Variants in CRTAC1 observed in about 807,000 individuals in gnomAD.
CRTAC1 encodes cartilage acidic protein 1.
A neutral mutation model predicts 67.8 loss-of-function variants in CRTAC1; 37 were observed. That is an observed-to-expected ratio of 0.55 (90% CI 0.42 to 0.72). The LOEUF is 0.72. CRTAC1 is among the 30% of genes least tolerant of loss of function. The pLI, the probability that CRTAC1 is intolerant of heterozygous loss-of-function variation, is 0.00. For synonymous variants in CRTAC1, 348 were observed against 371.0 expected (o/e 0.94, Z 0.71); for missense variants, 780 against 931.6 (o/e 0.84, Z 2.12).
chr10:97,962,532 G>C (rs1174589166), intron 2 of CRTAC1, among the ~76,000 whole-genome samples: 1 of 152,136 alleles, frequency 6.6e-6, no homozygotes, highest in Admixed American at 6.5e-5. Context: ...AGTTGTGGAG[G>C]GCTTTAAGTG....
chr10:97,882,540 T>C (rs2050229288), intron 13 of CRTAC1, among the ~76,000 whole-genome samples: 1 of 152,210 alleles, frequency 6.6e-6, no homozygotes, highest in Non-Finnish European at 1.5e-5. Flanking sequence ...TCGGTACTCA[T>C]GGCAGGAAAA....
chr10:97,902,734 C>T (rs1235730531), intron 7 of CRTAC1, among the ~76,000 whole-genome samples: 3 of 152,166 alleles, frequency 2.0e-5, no homozygotes, highest in Non-Finnish European at 4.4e-5. Flanking sequence ...ATCCTCTACC[C>T]GACTTGGGCC....
At chr10:98,013,411 G>A (rs897230802) in intron 1 of CRTAC1, among the ~76,000 whole-genome samples, 10 of 152,184 alleles carry the variant, frequency 6.6e-5, no homozygotes, top group African/African-American at 2.4e-4. Flanking sequence ...TAAGAGTCAA[G>A]AATTATGATC....
intron 2 of CRTAC1, among the ~76,000 whole-genome samples, chr10:98,001,557 A>C (rs1325614961): frequency 2.0e-5 from 3 of 152,144 alleles, no homozygotes; most frequent in Admixed American, 2.0e-4. Context: ...TGTAAAAAAA[A>C]AAAATGTGAC....
At chr10:97,976,112 G>A (rs979910246) in intron 2 of CRTAC1, among the ~76,000 whole-genome samples, 4 of 152,146 alleles carry the variant, frequency 2.6e-5, no homozygotes, top group Non-Finnish European at 5.9e-5. Flanking sequence ...GCAGGCCGCC[G>A]CAGCGTACTC....
chr10:98,021,521 C>T (rs1165830679), intron 1 of CRTAC1, among the ~76,000 whole-genome samples: 1 of 152,120 alleles, frequency 6.6e-6, no homozygotes, highest in Non-Finnish European at 1.5e-5. Flanking sequence ...TTAATAGGTA[C>T]TATTAACTGC....
chr10:97,981,830 A>C (rs2051896860), intron 2 of CRTAC1, among the ~76,000 whole-genome samples: 1 of 152,236 alleles, frequency 6.6e-6, no homozygotes, highest in South Asian at 2.1e-4. Flanking sequence ...TTTGTTAATA[A>C]AAACAAGAGT....
At chr10:98,026,962 G>A (rs1489902947) in intron 1 of CRTAC1, among the ~76,000 whole-genome samples, 1 of 152,080 alleles carries the variant, frequency 6.6e-6, no homozygotes, top group African/African-American at 2.4e-5. Context: ...GGCAGATCAC[G>A]AGGTCAGGAG....
intron 2 of CRTAC1, among the ~76,000 whole-genome samples, chr10:97,965,273 C>A (rs2051596974): frequency 6.6e-6 from 1 of 152,188 alleles, no homozygotes; most frequent in Admixed American, 6.5e-5. Context: ...GCCAACTCAG[C>A]CCAAGTGCCT....
intron 6 of CRTAC1, among the ~76,000 whole-genome samples, chr10:97,906,120 C>T (rs2050608150): frequency 6.6e-6 from 1 of 152,044 alleles, no homozygotes; most frequent in African/African-American, 2.4e-5. Flanking sequence ...GGGTGGGGCC[C>T]CCTGAGAACC....
rs149792442 is a variant in CRTAC1 at position 97,916,856 on chromosome 10, C to T, written c.715+644G>A. Among the ~76,000 whole-genome samples, 335 of 152,234 alleles carry T rather than the reference C, an allele frequency of 2.2e-3. 4 individuals carry two copies. Among genetic ancestry groups the T allele is most frequent in the African/African-American group, 7.6e-3 (314 of 41,534 alleles). On this transcript the variant is annotated intron_variant, in intron 5 of 14. Transcript: ENST00000370597. ...AGATTATCAGAGTTTAGTCAGCAGCCGTGCTGGAATTAGAAAAACAGCCTT... is the reference window on the plus strand; with the variant it reads ...AGATTATCAGAGTTTAGTCAGCAGCTGTGCTGGAATTAGAAAAACAGCCTT...
chr10:97,917,158 A>T (rs1238660241), intron 5 of CRTAC1, among the ~76,000 whole-genome samples: 1 of 152,232 alleles, frequency 6.6e-6, no homozygotes, highest in African/African-American at 2.4e-5. Flanking sequence ...TCTCCTACAG[A>T]ACCTGCTCAC....
chr10:97,923,174 C>T (rs1032720968), intron 4 of CRTAC1, 90 bp downstream of exon 4: 22 of 1,502,984 alleles, frequency 1.5e-5, no homozygotes, highest in Admixed American at 3.5e-5. Context: ...CCGCGGGAGA[C>T]GCCACTCTGT....
intron 5 of CRTAC1, among the ~76,000 whole-genome samples, chr10:97,911,161 G>A (rs559574911): frequency 1.3e-5 from 2 of 152,140 alleles, no homozygotes; most frequent in Non-Finnish European, 2.9e-5. Flanking sequence ...AGCCCTGCCC[G>A]GGCCCCTGGA....
At chr10:98,002,610 A>G (rs1842710856) in intron 2 of CRTAC1, among the ~76,000 whole-genome samples, 1 of 151,936 alleles carries the variant, frequency 6.6e-6, no homozygotes, top group South Asian at 2.1e-4. Flanking sequence ...TGTCCCACCA[A>G]AGACAGTGAG....
intron 11 of CRTAC1, among the ~76,000 whole-genome samples, chr10:97,889,482 T>C (rs1590184667): frequency 6.7e-6 from 1 of 150,340 alleles, no homozygotes; most frequent in Admixed American, 6.6e-5. Context: ...CAAGGCAGGG[T>C]CCACTGAGAA....
intron 2 of CRTAC1, among the ~76,000 whole-genome samples, chr10:98,005,096 A>ATTTTT (rs1247445698): frequency 1.0e-3 from 34 of 33,004 alleles, no homozygotes; most frequent in African/African-American, 3.4e-3. Context: ...ATATATATAT[A>ATTTTT]TATATTTTTT....
intron 5 of CRTAC1, among the ~76,000 whole-genome samples, chr10:97,908,684 G>A (rs2050648945): frequency 6.6e-6 from 1 of 152,210 alleles, no homozygotes; most frequent in African/African-American, 2.4e-5. Flanking sequence ...TGAATGGGTT[G>A]AATGGATTAT....
In CRTAC1 at chr10:98,029,491, AGCGGCGGCGGCGGCGGCG is replaced by A. The variant is rs71007374; in HGVS notation, c.24+940_24+957del. ...ACTGGGTGCACCCACCAGCAGCAGC[AGCGGCGGCGGCGGCGGCG>A]GCGGCGGCGGCGGCGGCGGCAGCAG... On this transcript the variant is annotated intron_variant, in intron 1 of 14. Transcript: ENST00000370597. The surrounding 1 kb of genome is among the most constrained non-coding windows in gnomAD (Gnocchi z 4.7). Among the ~76,000 whole-genome samples, 37 of 140,444 alleles carry A rather than the reference AGCGGCGGCGGCGGCGGCG, an allele frequency of 2.6e-4. No homozygotes were observed. The highest frequency in any genetic ancestry group is 4.2e-4 in the Admixed American group (6 of 14,402). The allele number at this position is 140,444 out of a possible 152,430, so 92.1% of individuals were successfully genotyped here. A position where few individuals can be genotyped will look rare whatever the true frequency, so the allele number is the denominator to read the frequency against.
Sources: gnomAD v4.1 joint callset for allele counts (sites outside exome capture counted in the v4.1 genomes callset) on GRCh38, gnomAD v4.1.1 for gene constraint, Gnocchi (gnomAD v3.1) non-coding constraint, MANE v1.5 for transcripts, NCBI Gene and HGNC (gene_info 2026-07-23, HGNC 2026-07-21) for gene names.